Variants in ANKFN1 observed in about 807,000 individuals in gnomAD.
The protein encoded by ANKFN1 is ankyrin repeat and fibronectin type III domain containing 1.
In ANKFN1, 74 loss-of-function variants were observed where a neutral mutation model predicts 108.7. The ratio of observed to expected loss-of-function variants is 0.68; its 90% CI spans 0.56 to 0.83. The LOEUF (loss-of-function observed/expected upper bound fraction) is 0.83, where lower values mean the gene tolerates loss of function less well. Among genes scored for constraint, ANKFN1 ranks in the 40% least tolerant of loss-of-function variants. The probability of loss-of-function intolerance (pLI) is 0.00; values close to 1 mark genes in which losing one functional copy is unlikely to be tolerated. For missense variants in ANKFN1, 1,505 were observed against 1,382.3 expected (o/e 1.09, Z -1.41); for synonymous variants, 547 against 516.2 (o/e 1.06, Z -0.81).
chr17:56,279,167 G>GA (rs2044008141), intron 3 of ANKFN1, among the ~76,000 whole-genome samples: 1 of 152,052 alleles, frequency 6.6e-6, no homozygotes, highest in South Asian at 2.1e-4. Flanking sequence ...TCTTATGCTG[G>GA]AAAAAATGGT....
chr17:56,406,558 A>G (rs189274030), intron 8 of ANKFN1, among the ~76,000 whole-genome samples: 7 of 152,332 alleles, frequency 4.6e-5, no homozygotes, highest in Non-Finnish European at 1.0e-4. Flanking sequence ...GTGTAATATT[A>G]GAACCATAAA....
intron 20 of ANKFN1, among the ~76,000 whole-genome samples, chr17:56,507,476 C>T (rs1017075772): frequency 5.3e-5 from 8 of 152,108 alleles, no homozygotes; most frequent in Admixed American, 2.0e-4. Context: ...CCTCACCACT[C>T]ATATATTCAA....
intron 4 of ANKFN1, among the ~76,000 whole-genome samples, chr17:56,328,077 A>C (rs1452572615): frequency 2.0e-5 from 3 of 152,236 alleles, no homozygotes; most frequent in African/African-American, 4.8e-5. Flanking sequence ...GGTCATGTAA[A>C]TAAAAAGGAT....
intron 4 of ANKFN1, among the ~76,000 whole-genome samples, chr17:56,106,693 G>A (rs1905758942): frequency 6.6e-6 from 1 of 152,046 alleles, no homozygotes; most frequent in African/African-American, 2.4e-5. Context: ...CTTCTCACTT[G>A]GGAATAATAA....
At chr17:56,338,789 G>A (rs1054384571) in intron 4 of ANKFN1, among the ~76,000 whole-genome samples, 2 of 152,008 alleles carry the variant, frequency 1.3e-5, no homozygotes, top group Admixed American at 1.3e-4. Context: ...AGAACAGAGG[G>A]GAGGTTACTA....
At chr17:56,188,798 C>T (rs959883492) in intron 1 of ANKFN1, among the ~76,000 whole-genome samples, 1 of 151,408 alleles carries the variant, frequency 6.6e-6, no homozygotes, top group Non-Finnish European at 1.5e-5. Flanking sequence ...GTGTCTTTTG[C>T]CCTAATGAGG....
rs372633398 is a variant in ANKFN1 at position 56,095,421 on chromosome 17, A to G, written c.288+49096A>G. Among the ~76,000 whole-genome samples, 23 of 150,690 alleles carry G rather than the reference A, an allele frequency of 1.5e-4. 1 individual carries two copies. Among genetic ancestry groups the G allele is most frequent in the African/African-American group, 4.9e-4 (20 of 40,976 alleles). ...ATCCTCCTACCTCAGCCTCTCAAGT[A>G]TCTGGAACTACAGGTGCATGCCGCC... On this transcript the variant is annotated intron_variant, in intron 4 of 12. Transcript: ENST00000635860.
intron 4 of ANKFN1, among the ~76,000 whole-genome samples, chr17:56,098,400 C>T (rs11867250): frequency 6.7e-6 from 1 of 149,918 alleles, no homozygotes; most frequent in Admixed American, 6.6e-5. Flanking sequence ...ATAGCCCCTG[C>T]TACACACATA....
intron 4 of ANKFN1, among the ~76,000 whole-genome samples, chr17:56,054,662 A>G (rs1904834761): frequency 6.6e-6 from 1 of 152,194 alleles, no homozygotes; most frequent in Non-Finnish European, 1.5e-5. Flanking sequence ...CTGTAATCCT[A>G]GCACTTTTGG....
chr17:56,439,790 C>G (rs1028428430), intron 8 of ANKFN1, among the ~76,000 whole-genome samples: 1 of 152,114 alleles, frequency 6.6e-6, no homozygotes, highest in South Asian at 2.1e-4. Flanking sequence ...TAGAATATGG[C>G]GAAGCAGATG....
chr17:56,314,722 T>G (rs1173987826), intron 3 of ANKFN1, among the ~76,000 whole-genome samples: 1 of 152,172 alleles, frequency 6.6e-6, no homozygotes, highest in Non-Finnish European at 1.5e-5. Flanking sequence ...GGTGTTTCAT[T>G]TCCAATATAT....
At chr17:56,055,322 A>ATAT (rs1220265529) in intron 4 of ANKFN1, among the ~76,000 whole-genome samples, 2 of 150,896 alleles carry the variant, frequency 1.3e-5, no homozygotes, top group African/African-American at 2.4e-5. Flanking sequence ...AACATATGAG[A>ATAT]TATTTGGTTT....
intron 4 of ANKFN1, among the ~76,000 whole-genome samples, chr17:56,068,413 G>A (rs889967840): frequency 6.6e-6 from 1 of 152,194 alleles, no homozygotes; most frequent in African/African-American, 2.4e-5. Context: ...TCATAAGAGT[G>A]CTCTAGGTAG....
intron 1 of ANKFN1, among the ~76,000 whole-genome samples, chr17:56,185,859 G>A (rs1289763060): frequency 6.6e-6 from 1 of 152,072 alleles, no homozygotes; most frequent in Non-Finnish European, 1.5e-5. Flanking sequence ...ATTCGACCAG[G>A]ACTCTGCCAG....
At chr17:56,307,044 G>T (rs540210010) in intron 3 of ANKFN1, among the ~76,000 whole-genome samples, 33 of 152,236 alleles carry the variant, frequency 2.2e-4, no homozygotes, top group African/African-American at 7.9e-4. Context: ...GCTGAAACTG[G>T]ATCCCTTCCT....
At chr17:56,346,614 G>C (rs561341102) in intron 4 of ANKFN1, among the ~76,000 whole-genome samples, 56 of 151,754 alleles carry the variant, frequency 3.7e-4, no homozygotes, top group Non-Finnish European at 6.9e-4. Context: ...GCAAGCCTTT[G>C]GTTAATATCC....
chr17:56,367,374 C>G (rs373023180), intron 6 of ANKFN1, among the ~76,000 whole-genome samples: 10 of 151,846 alleles, frequency 6.6e-5, no homozygotes, highest in East Asian at 5.8e-4. Flanking sequence ...CCCTTCAGTC[C>G]CTGATCATTG....
intron 8 of ANKFN1, among the ~76,000 whole-genome samples, chr17:56,437,614 C>T (rs907297529): frequency 2.6e-5 from 4 of 152,052 alleles, no homozygotes; most frequent in African/African-American, 7.2e-5. Context: ...TCAAGCATAC[C>T]GTTTTTCTTC....
intron 3 of ANKFN1, among the ~76,000 whole-genome samples, chr17:56,273,392 A>G (rs1269974352): frequency 1.3e-5 from 2 of 152,202 alleles, no homozygotes; most frequent in Non-Finnish European, 2.9e-5. Context: ...ATTATAAATA[A>G]TGTGCTGACA....
Sources: gnomAD v4.1 joint callset for allele counts (sites outside exome capture counted in the v4.1 genomes callset) on GRCh38, gnomAD v4.1.1 for gene constraint, MANE v1.5 for transcripts, NCBI Gene and HGNC (gene_info 2026-07-23, HGNC 2026-07-21) for gene names.